GPM6A: variants seen among roughly 807,000 people sequenced by gnomAD.
GPM6A encodes neuronal membrane glycoprotein M6-a.
GPM6A carries 7 observed loss-of-function variants against 32.1 expected under a neutral mutation model. That is an observed-to-expected ratio of 0.22 (90% CI 0.12 to 0.41). The LOEUF (loss-of-function observed/expected upper bound fraction) is 0.41. Among genes scored for constraint, GPM6A ranks in the 10% least tolerant of loss-of-function variants. GPM6A has a pLI of 1.00. For synonymous variants in GPM6A, 130 were observed against 123.4 expected (o/e 1.05, Z -0.35); for missense variants, 235 against 347.2 (o/e 0.68, Z 2.57).
chr4:175,777,780 C>A (rs1199833567), intron 1 of GPM6A, among the ~76,000 whole-genome samples: 1 of 151,778 alleles, frequency 6.6e-6, no homozygotes, highest in East Asian at 1.9e-4. Context: ...ACAATGTGCC[C>A]AATATGTTAT....
Position 175,734,049 on chromosome 4 carries a change from G to A in GPM6A, c.38-32282C>T, listed in dbSNP as rs540958346. On this transcript the variant is annotated intron_variant, in intron 1 of 6. Transcript: ENST00000393658. The stretch of plus-strand genomic sequence containing the variant: ...TTTCAATTTGACTTCCACGATCAAA[G>A]CTTGAAAAATAAAAGTGCATTTTAA... 2.1e-4 allele frequency among the ~76,000 whole-genome samples: 32 copies of A among 151,668 alleles called. 1 individual carries two copies. The South Asian group carries it at 6.4e-3, about 31-fold the overall frequency.
chr4:175,903,556 C>T (rs957247610), intron 1 of GPM6A, among the ~76,000 whole-genome samples: 2 of 152,118 alleles, frequency 1.3e-5, no homozygotes, highest in Non-Finnish European at 2.9e-5. Context: ...TCAACATTAA[C>T]ACCTGCAATT....
chr4:175,914,327 T>C (rs13115174), intron 1 of GPM6A, among the ~76,000 whole-genome samples: 1 of 152,270 alleles, frequency 6.6e-6, no homozygotes, highest in South Asian at 2.1e-4. Flanking sequence ...TTGTTTTGTT[T>C]TGTTTTGTTT....
chr4:175,906,638 G>C (rs553596323), intron 1 of GPM6A: 41 of 152,206 alleles, frequency 2.7e-4, no homozygotes, highest in African/African-American at 9.9e-4. Context: ...TAGACTCTTT[G>C]AAATCCAGTT....
intron 4 of GPM6A, among the ~76,000 whole-genome samples, chr4:175,650,075 G>A (rs1439130528): frequency 6.6e-6 from 1 of 151,994 alleles, no homozygotes; most frequent in Non-Finnish European, 1.5e-5. Flanking sequence ...ATTTACAGGG[G>A]ATTTGATTTT....
intron 1 of GPM6A, among the ~76,000 whole-genome samples, chr4:175,898,944 A>G (rs10049819): frequency 0.13 from 19,723 of 152,196 alleles, 1,362 homozygotes; most frequent in Non-Finnish European, 0.14. Context: ...TCTCAGTACT[A>G]GAGTCTAAAT....
chr4:175,690,092 A>C lies in GPM6A; in HGVS notation c.230+11483T>G, dbSNP rs550539946. Among the ~76,000 whole-genome samples the C allele has an allele frequency of 3.3e-5, 5 of 152,282 alleles. No individual in the cohort carries two copies. The South Asian group carries it at 6.2e-4, about 19-fold the overall frequency. Reference sequence around the variant, plus strand: ...CTTAAGGGGATTCTGGAAATCTCATAAAGGTATTGGTCTGTAAATTACTGT... The same window carrying C: ...CTTAAGGGGATTCTGGAAATCTCATCAAGGTATTGGTCTGTAAATTACTGT... On this transcript the variant is annotated intron_variant, in intron 2 of 6. Transcript: ENST00000393658.
chr4:175,950,563 G>GA (rs1257503299), intron 1 of GPM6A, among the ~76,000 whole-genome samples: 1 of 152,032 alleles, frequency 6.6e-6, no homozygotes, highest in Non-Finnish European at 1.5e-5. Flanking sequence ...TTCAAAAGTG[G>GA]AAAAAAGTAG....
In GPM6A at chr4:175,701,705, T is replaced by C; in HGVS notation, c.100A>G (p.Ile34Val). ...AGGGCAACACCCGCATAGAGCAGGA[T>C]GGTGGCAATCAGAGAGGCATAGGGA... ...GIPYASLIAT[I>V]LLYAGVALFC... Residue 34 changes from isoleucine to valine, a missense_variant, in exon 2 of 7, where the codon ATC becomes GTC. By Grantham distance (29) the Ile-to-Val change is conservative. Transcript: ENST00000393658. 6.2e-7 allele frequency: 1 copy of C among 1,613,896 alleles called. No individual in the cohort carries two copies. The highest frequency in any genetic ancestry group is 8.5e-7 in the Non-Finnish European group (1 of 1,179,806).
intron 2 of GPM6A, among the ~76,000 whole-genome samples, chr4:175,679,478 T>C (rs1743562279): frequency 6.6e-6 from 1 of 152,166 alleles, no homozygotes; most frequent in Non-Finnish European, 1.5e-5. Context: ...ACAAGCGATC[T>C]GTGAGGAGAT....
intron 1 of GPM6A, among the ~76,000 whole-genome samples, chr4:175,944,420 CTTTCTT>C (rs1561005227): frequency 6.6e-6 from 1 of 152,148 alleles, no homozygotes; most frequent in Non-Finnish European, 1.5e-5. Context: ...TGCATTTCAT[CTTTCTT>C]TTTAAGTGTT....
intron 2 of GPM6A, among the ~76,000 whole-genome samples, chr4:175,674,912 GA>G (rs1188964934): frequency 2.0e-5 from 3 of 149,078 alleles, no homozygotes; most frequent in Admixed American, 6.7e-5. Context: ...TTTTTTAAAA[GA>G]AAAAAACACC....
At chr4:175,735,469 T>C (rs1731618463) in intron 1 of GPM6A, among the ~76,000 whole-genome samples, 1 of 152,148 alleles carries the variant, frequency 6.6e-6, no homozygotes, top group Non-Finnish European at 1.5e-5. Flanking sequence ...ATGATATCAC[T>C]GTAAAATTTT....
At chr4:175,729,585 TAA>T (rs1206638269) in intron 1 of GPM6A, among the ~76,000 whole-genome samples, 2 of 151,922 alleles carry the variant, frequency 1.3e-5, no homozygotes, top group Admixed American at 6.6e-5. Context: ...TAAAAATAAC[TAA>T]AAGAGTATAA....
intron 1 of GPM6A, among the ~76,000 whole-genome samples, chr4:175,724,535 A>T (rs6553893): frequency 0.52 from 78,472 of 151,906 alleles, 20,404 homozygotes; most frequent in Admixed American, 0.56. Flanking sequence ...ACAGAGTGAG[A>T]TTCCATCTCA....
intron 1 of GPM6A, among the ~76,000 whole-genome samples, chr4:175,918,989 CTT>C (rs888674271): frequency 4.0e-5 from 6 of 151,874 alleles, no homozygotes; most frequent in East Asian, 1.9e-4. Context: ...GTTTTATAGT[CTT>C]ATATTTTGAA....
At chr4:175,901,173 G>C (rs1737955829) in intron 1 of GPM6A, among the ~76,000 whole-genome samples, 1 of 151,034 alleles carries the variant, frequency 6.6e-6, no homozygotes, top group South Asian at 2.1e-4. Flanking sequence ...CAGAGGTGGG[G>C]GTGGTTAACA....
intron 1 of GPM6A, among the ~76,000 whole-genome samples, chr4:175,706,515 A>G (rs1745198731): frequency 2.0e-5 from 3 of 152,190 alleles, no homozygotes; most frequent in South Asian, 2.1e-4. Context: ...ATAGACTGAC[A>G]ATTGACTCAT....
At chr4:175,793,005 C>T (rs1222325281) in intron 1 of GPM6A, among the ~76,000 whole-genome samples, 1 of 152,064 alleles carries the variant, frequency 6.6e-6, no homozygotes, top group Admixed American at 6.6e-5. Flanking sequence ...ATGGTGAAAC[C>T]CCATTTCTAT....
Sources: gnomAD v4.1 joint callset for allele counts (sites outside exome capture counted in the v4.1 genomes callset) on GRCh38, gnomAD v4.1.1 for gene constraint, MANE v1.5 for transcripts, NCBI Gene and HGNC (gene_info 2026-07-23, HGNC 2026-07-21) for gene names.